Variants in ASIP observed in about 807,000 individuals in gnomAD.
The protein encoded by ASIP is agouti-signaling protein.
Under a neutral mutation model 10.3 loss-of-function variants are expected in ASIP, and 11 were observed. The ratio of observed to expected loss-of-function variants is 1.07; its 90% confidence interval spans 0.68 to 1.78. ASIP has a LOEUF of 1.78. Among genes scored for constraint, ASIP ranks in the 40% most tolerant of loss-of-function variants. The pLI, the probability that ASIP is intolerant of heterozygous loss-of-function variation, is 0.00. For synonymous variants in ASIP, 70 were observed against 70.8 expected (o/e 0.99, Z 0.06); for missense variants, 180 against 169.2 (o/e 1.06, Z -0.35).
At chr20:34,247,331 CCTT>C (rs2035394871) in intron 1 of ASIP, among the ~76,000 whole-genome samples, 1 of 144,638 alleles carries the variant, frequency 6.9e-6, no homozygotes, top group Admixed American at 7.0e-5. Context: ...GACAGAGTCT[CCTT>C]CTGTTGCCCA....
chr20:34,216,321 G>C (rs536745993), intron 1 of ASIP, among the ~76,000 whole-genome samples: 6 of 152,232 alleles, frequency 3.9e-5, no homozygotes, highest in Non-Finnish European at 8.8e-5. Flanking sequence ...GCGGGCGGGC[G>C]CTGGCGCCAG....
At chr20:34,242,047 A>T (rs767788320) in intron 1 of ASIP, among the ~76,000 whole-genome samples, 4 of 152,168 alleles carry the variant, frequency 2.6e-5, no homozygotes, top group African/African-American at 9.7e-5. Context: ...CCATTAAAGG[A>T]AGCTCAGGTT....
chr20:34,262,791 C>A (rs778481016), intron 2 of ASIP, 41 bp from the exon 3 acceptor site: 1 of 1,611,818 alleles, frequency 6.2e-7, no homozygotes, highest in Non-Finnish European at 8.5e-7. Context: ...CTCAACGTCC[C>A]CAGAAACATC....
At chr20:34,261,311 C>A (rs938372010) in intron 2 of ASIP, among the ~76,000 whole-genome samples, 1 of 151,960 alleles carries the variant, frequency 6.6e-6, no homozygotes, top group African/African-American at 2.4e-5. Flanking sequence ...CCAGACTGAG[C>A]GACATAGGGA....
At chr20:34,244,728 G>A (rs115424670) in intron 1 of ASIP, among the ~76,000 whole-genome samples, 2,568 of 152,208 alleles carry the variant, frequency 0.017, 82 homozygotes, top group African/African-American at 0.058. Context: ...TTCAAACAGC[G>A]CACATTCATG....
chr20:34,216,370 G>A (rs2035009103), intron 1 of ASIP, among the ~76,000 whole-genome samples: 1 of 152,216 alleles, frequency 6.6e-6, no homozygotes. Context: ...CCGCGGGCTG[G>A]GGCCGTCTCC....
intron 1 of ASIP, among the ~76,000 whole-genome samples, chr20:34,203,316 A>G (rs2034912995): frequency 6.6e-6 from 1 of 151,984 alleles, no homozygotes; most frequent in Admixed American, 6.6e-5. Context: ...ATAGTTTTCT[A>G]TGTAGAAACC....
intron 3 of ASIP, among the ~76,000 whole-genome samples, chr20:34,268,661 G>A (rs2035830644): frequency 6.6e-6 from 1 of 151,876 alleles, no homozygotes; most frequent in Non-Finnish European, 1.5e-5. Context: ...GCCTGAGCCC[G>A]AGATCGAGAT....
chr20:34,266,994 T>C (rs898389043), intron 3 of ASIP, among the ~76,000 whole-genome samples: 2 of 152,198 alleles, frequency 1.3e-5, no homozygotes, highest in African/African-American at 4.8e-5. Context: ...AGGTAGGATC[T>C]GGCACTGTGT....
chr20:34,260,108 G>A (rs1345774976), intron 1 of ASIP, among the ~76,000 whole-genome samples: 1 of 151,628 alleles, frequency 6.6e-6, no homozygotes, highest in Non-Finnish European at 1.5e-5. Flanking sequence ...AGAGACCAGT[G>A]CAATGCATTG....
chr20:34,207,393 C>T (rs191771760), intron 1 of ASIP, among the ~76,000 whole-genome samples: 53 of 152,260 alleles, frequency 3.5e-4, no homozygotes, highest in Non-Finnish European at 1.5e-4. Flanking sequence ...TTTTTTTAAA[C>T]CAGTGAGTTG....
At chr20:34,198,317 T>C (rs2034871848) in intron 1 of ASIP, among the ~76,000 whole-genome samples, 1 of 152,040 alleles carries the variant, frequency 6.6e-6, no homozygotes, top group East Asian at 1.9e-4. Context: ...CTTGAACTCC[T>C]GACCTCAGGT....
At position 34,215,762 on chromosome 20, in the gene ASIP, T is replaced by C; in HGVS notation, c.-11+21002T>C. On this transcript the variant is annotated intron_variant, in intron 1 of 3. Coordinates refer to the ASIP transcript ENST00000568305. ...TACATGATCATCACTATATGTCCTC[T>C]GGGCTAGAGCTTCTGCACACACCTG... 2.0e-6 allele frequency: 3 copies of C among 1,524,460 alleles called. 1 individual carries two copies. The South Asian group carries it at 3.4e-5, about 17-fold the overall frequency. 94.4% of individuals were successfully genotyped at this position (1,524,460 alleles called of 1,614,324 possible).
the ASIP span, among the ~76,000 whole-genome samples, chr20:34,186,525 G>A: frequency 2.6e-5 from 4 of 152,136 alleles, no homozygotes; most frequent in Admixed American, 6.6e-5. Context: ...CCTGGACCCT[G>A]AGTTCACCGA....
chr20:34,243,291 G>A (rs1369691669), intron 1 of ASIP, among the ~76,000 whole-genome samples: 1 of 152,192 alleles, frequency 6.6e-6, no homozygotes, highest in Admixed American at 6.5e-5. Flanking sequence ...GAGTTCTGAA[G>A]CAGGTTGTCT....
chr20:34,245,295 T>C (rs1279955003), intron 1 of ASIP, among the ~76,000 whole-genome samples: 7 of 145,452 alleles, frequency 4.8e-5, no homozygotes, highest in African/African-American at 1.5e-4. Flanking sequence ...GATCATGCCA[T>C]TGCACTCGAG....
chr20:34,252,063 C>T (rs2035485733), intron 1 of ASIP, among the ~76,000 whole-genome samples: 2 of 152,214 alleles, frequency 1.3e-5, no homozygotes, highest in Admixed American at 6.5e-5. Context: ...GTCAAGTTTC[C>T]ACTCTGTGCC....
intron 1 of ASIP, chr20:34,215,634 G>C: frequency 6.8e-7 from 1 of 1,478,690 alleles, no homozygotes; most frequent in Non-Finnish European, 9.5e-7. Context: ...TGAGCTTGCA[G>C]CCATGATATG....
At chr20:34,196,179 T>TC (rs1341079351) in intron 1 of ASIP, among the ~76,000 whole-genome samples, 4 of 137,632 alleles carry the variant, frequency 2.9e-5, no homozygotes, top group Non-Finnish European at 6.1e-5. Flanking sequence ...ATTTCTTTTT[T>TC]TTTTTTTTTT....
Sources: allele counts gnomAD v4.1 joint callset (sites outside exome capture counted in the v4.1 genomes callset), GRCh38; gene constraint gnomAD v4.1.1; transcripts MANE v1.5; gene names NCBI Gene and HGNC (gene_info 2026-07-23, HGNC 2026-07-21).